XKR9: variants seen among roughly 807,000 people sequenced by gnomAD.
XKR9 encodes the protein XK-related protein 9.
XKR9 carries 32 observed loss-of-function variants against 32.0 expected under a neutral mutation model. The ratio of observed to expected loss-of-function variants is 1.00; its 90% CI spans 0.76 to 1.34. The LOEUF (loss-of-function observed/expected upper bound fraction) is 1.34. Among genes scored for constraint, XKR9 ranks in the 40% most tolerant of loss-of-function variants. XKR9 has a pLI of 0.00. For synonymous variants in XKR9, 168 were observed against 143.4 expected (o/e 1.17, Z -1.22); for missense variants, 546 against 429.7 (o/e 1.27, Z -2.39).
At position 70,673,721 on chromosome 8, in the gene XKR9, C is replaced by T. The variant is rs28593186; in HGVS notation, c.-360-1097C>T. On this transcript the variant is annotated intron_variant, in intron 1 of 4. Transcript: ENST00000408926. ...CGGAGGTTGCAGTGAGCTGAGATCG[C>T]GGCACTGCACTCCAGCCTGAGTGAC... Among the ~76,000 whole-genome samples, 923 of 151,480 alleles carry T rather than the reference C, an allele frequency of 6.1e-3. 9 individuals are homozygous for T. Among genetic ancestry groups the T allele is most frequent in the African/African-American group, 0.021 (879 of 41,226 alleles).
chr8:71,061,726 C>A, the XKR9 span, among the ~76,000 whole-genome samples: 1 of 151,964 alleles, frequency 6.6e-6, no homozygotes, highest in Non-Finnish European at 1.5e-5. Flanking sequence ...TGTCTGTATC[C>A]CAAGGGAGTG....
At chr8:70,989,186 T>C in the XKR9 span, among the ~76,000 whole-genome samples, 1 of 152,204 alleles carries the variant, frequency 6.6e-6, no homozygotes, top group Non-Finnish European at 1.5e-5. Flanking sequence ...AGATCTGTTA[T>C]GGAAACCAGC....
chr8:70,935,814 T>C, the XKR9 span, among the ~76,000 whole-genome samples: 5 of 152,066 alleles, frequency 3.3e-5, no homozygotes, highest in Admixed American at 3.3e-4. Flanking sequence ...TTAGAGACAT[T>C]CAAGCCATTT....
chr8:70,710,051 C>T (rs1310830907), intron 4 of XKR9, among the ~76,000 whole-genome samples: 1 of 152,136 alleles, frequency 6.6e-6, no homozygotes, highest in Non-Finnish European at 1.5e-5. Context: ...TACTACATGG[C>T]TACAGTAACC....
At chr8:71,039,575 C>T in the XKR9 span, among the ~76,000 whole-genome samples, 3 of 152,174 alleles carry the variant, frequency 2.0e-5, no homozygotes, top group African/African-American at 7.2e-5. Context: ...GGTGATTAGA[C>T]ACAGTCAAAT....
chr8:71,028,156 T>C, the XKR9 span, among the ~76,000 whole-genome samples: 1 of 152,234 alleles, frequency 6.6e-6, no homozygotes, highest in Non-Finnish European at 1.5e-5. Context: ...CCTTGGGTAG[T>C]ATGGACATTT....
the XKR9 span, among the ~76,000 whole-genome samples, chr8:70,889,600 T>C: frequency 6.6e-6 from 1 of 151,940 alleles, no homozygotes; most frequent in Admixed American, 6.6e-5. Flanking sequence ...GCCATCTTTA[T>C]GTCCATGAGT....
chr8:71,036,917 C>T, the XKR9 span, among the ~76,000 whole-genome samples: 2 of 149,824 alleles, frequency 1.3e-5, no homozygotes, highest in African/African-American at 4.9e-5. Flanking sequence ...CCATGTTGCC[C>T]AGGCTGGTCT....
chr8:70,813,983 C>T, the XKR9 span, among the ~76,000 whole-genome samples: 2 of 152,172 alleles, frequency 1.3e-5, no homozygotes, highest in Non-Finnish European at 2.9e-5. Flanking sequence ...GCTATAAAGA[C>T]ACATGCATAC....
the XKR9 span, among the ~76,000 whole-genome samples, chr8:71,016,278 A>G: frequency 6.6e-6 from 1 of 152,106 alleles, no homozygotes; most frequent in Non-Finnish European, 1.5e-5. Flanking sequence ...AGCTGTTTTT[A>G]TATTTTTTCA....
At chr8:71,027,946 A>AT in the XKR9 span, among the ~76,000 whole-genome samples, 3 of 152,070 alleles carry the variant, frequency 2.0e-5, no homozygotes, top group African/African-American at 4.8e-5. Flanking sequence ...ATTAAAAAAA[A>AT]TTTTTTTTGT....
At chr8:71,036,870 C>CT in the XKR9 span, among the ~76,000 whole-genome samples, 28,421 of 135,360 alleles carry the variant, frequency 0.21, 4,153 homozygotes, top group African/African-American at 0.38. Flanking sequence ...GAGATTGCAC[C>CT]TTTTTTTTTT....
the XKR9 span, among the ~76,000 whole-genome samples, chr8:70,862,968 A>C: frequency 4.5e-4 from 69 of 152,272 alleles, no homozygotes; most frequent in Middle Eastern, 6.8e-3. Flanking sequence ...ACAGAGGCCT[A>C]GTGTATGCAG....
At chr8:70,959,259 A>G in the XKR9 span, among the ~76,000 whole-genome samples, 2 of 152,188 alleles carry the variant, frequency 1.3e-5, no homozygotes, top group Non-Finnish European at 2.9e-5. Context: ...CCACAAAAAG[A>G]TGCACATTCC....
At chr8:70,883,696 ATC>A in the XKR9 span, among the ~76,000 whole-genome samples, 1 of 152,058 alleles carries the variant, frequency 6.6e-6, no homozygotes, top group Non-Finnish European at 1.5e-5. Context: ...GTTATTTTAT[ATC>A]TTTTTGTGGC....
At chr8:70,716,481 C>T (rs1303401260) in intron 4 of XKR9, among the ~76,000 whole-genome samples, 1 of 152,140 alleles carries the variant, frequency 6.6e-6, no homozygotes, top group Non-Finnish European at 1.5e-5. Flanking sequence ...GAAGCAAACA[C>T]ATCCTTCTTC....
At chr8:71,025,414 T>G in the XKR9 span, among the ~76,000 whole-genome samples, 1 of 152,370 alleles carries the variant, frequency 6.6e-6, no homozygotes, top group Middle Eastern at 3.4e-3. Context: ...CATGACACTT[T>G]AAACTAAGAA....
chr8:70,687,349 T>TCTTTCTTA (rs1554544464), intron 3 of XKR9, among the ~76,000 whole-genome samples: 1 of 140,226 alleles, frequency 7.1e-6, no homozygotes, highest in Non-Finnish European at 1.5e-5. Flanking sequence ...TTTCTTTCTT[T>TCTTTCTTA]CTTTCTTTCT....
At chr8:70,718,376 A>G (rs1806161335) in intron 4 of XKR9, among the ~76,000 whole-genome samples, 1 of 152,076 alleles carries the variant, frequency 6.6e-6, no homozygotes, top group South Asian at 2.1e-4. Context: ...ACATAGGTAT[A>G]CATGTGCCAT....
Sources: gnomAD v4.1 joint callset for allele counts (sites outside exome capture counted in the v4.1 genomes callset) on GRCh38, gnomAD v4.1.1 for gene constraint, MANE v1.5 for transcripts, NCBI Gene and HGNC (gene_info 2026-07-23, HGNC 2026-07-21) for gene names.